Variants in PDK1 observed in about 807,000 individuals in gnomAD.
The protein encoded by PDK1 is [Pyruvate dehydrogenase (acetyl-transferring)] kinase isozyme 1, mitochondrial.
PDK1 carries 39 observed loss-of-function variants against 54.2 expected under a neutral mutation model. The ratio of observed to expected loss-of-function variants is 0.72; its 90% CI spans 0.56 to 0.94. The LOEUF (loss-of-function observed/expected upper bound fraction) is 0.94. PDK1 is among the 40% of genes least tolerant of loss of function. The pLI is 0.00. For synonymous variants in PDK1, 221 were observed against 207.1 expected (o/e 1.07, Z -0.58); for missense variants, 552 against 566.0 (o/e 0.98, Z 0.25).
intron 8 of PDK1, among the ~76,000 whole-genome samples, chr2:172,575,638 A>G (rs987402877): frequency 2.6e-5 from 4 of 151,918 alleles, no homozygotes; most frequent in East Asian, 1.9e-4. Context: ...CCTGGCCAAC[A>G]TGGCAAAACT....
the PDK1 span, among the ~76,000 whole-genome samples, chr2:172,628,226 G>A: frequency 6.6e-6 from 1 of 152,184 alleles, no homozygotes; most frequent in Non-Finnish European, 1.5e-5. Context: ...GCTAGTCATA[G>A]GGAAGGTCAA....
At chr2:172,611,480 G>A (rs1290438338), downstream of PDK1, among the ~76,000 whole-genome samples, 2 of 152,014 alleles carry the variant, frequency 1.3e-5, no homozygotes, top group East Asian at 1.9e-4. Context: ...CATACATTAA[G>A]TATGTAAAAA....
chr2:172,583,325 C>T (rs1390374827), intron 8 of PDK1, among the ~76,000 whole-genome samples: 4 of 105,128 alleles, frequency 3.8e-5, no homozygotes, highest in African/African-American at 1.7e-4. Context: ...TGAGCAGAGT[C>T]TCGCTCTGTC....
the PDK1 span, among the ~76,000 whole-genome samples, chr2:172,682,124 G>A: frequency 6.6e-6 from 1 of 152,216 alleles, no homozygotes; most frequent in Admixed American, 6.5e-5. Context: ...TTGAGCAAAG[G>A]CTTGAAAGTG....
At chr2:172,566,602 A>T (rs1403498920) in intron 5 of PDK1, among the ~76,000 whole-genome samples, 1 of 151,188 alleles carries the variant, frequency 6.6e-6, no homozygotes, top group Non-Finnish European at 1.5e-5. Flanking sequence ...GCAGTGGTTC[A>T]TGCCTGTAAT....
chr2:172,685,795 A>T, the PDK1 span, among the ~76,000 whole-genome samples: 1 of 152,102 alleles, frequency 6.6e-6, no homozygotes, highest in Admixed American at 6.6e-5. Flanking sequence ...TACCTCCAAA[A>T]TTCCATACCA....
chr2:172,660,923 T>G, the PDK1 span, among the ~76,000 whole-genome samples: 7 of 152,124 alleles, frequency 4.6e-5, no homozygotes, highest in Non-Finnish European at 1.0e-4. Flanking sequence ...AGGACAAGAA[T>G]AAATATTCTT....
At chr2:172,584,106 G>T (rs997542537) in intron 8 of PDK1, among the ~76,000 whole-genome samples, 2 of 152,116 alleles carry the variant, frequency 1.3e-5, no homozygotes, top group African/African-American at 2.4e-5. Context: ...CATGCCTTAC[G>T]AACATATCAG....
At chr2:172,672,319 T>TA in the PDK1 span, among the ~76,000 whole-genome samples, 2 of 152,252 alleles carry the variant, frequency 1.3e-5, no homozygotes, top group Non-Finnish European at 2.9e-5. Flanking sequence ...ATTGTATTTT[T>TA]ATCCATGAAT....
At chr2:172,668,281 T>TA in the PDK1 span, among the ~76,000 whole-genome samples, 1 of 99,584 alleles carries the variant, frequency 1.0e-5, no homozygotes, top group African/African-American at 3.6e-5. Context: ...TTTCTTTATT[T>TA]TTTTTTTTTT....
rs1262699106 is a variant in PDK1 at position 172,558,936 on chromosome 2, G to A, written c.338+87G>A. On this transcript the variant is annotated intron_variant, in intron 2 of 10. Transcript: ENST00000282077. ...CAAATGCTTTTTTTTACTCTTTGGT[G>A]GAATCTTTTTTGTTTTGTTTTGTTT... 3.0e-6 allele frequency: 4 copies of A among 1,317,474 alleles called. No individual in the cohort carries two copies. The African/African-American group carries it at 6.0e-5, about 20-fold the overall frequency. The allele number at this position is 1,317,474 out of a possible 1,614,324, so 81.6% of individuals were successfully genotyped here. A position where few individuals can be genotyped will look rare whatever the true frequency, so the allele number is the denominator to read the frequency against.
At chr2:172,622,800 A>T in the PDK1 span, among the ~76,000 whole-genome samples, 2 of 142,024 alleles carry the variant, frequency 1.4e-5, no homozygotes, top group African/African-American at 2.8e-5. Context: ...AGATATGTTT[A>T]TATATTATGT....
At chr2:172,623,868 A>G in the PDK1 span, among the ~76,000 whole-genome samples, 2 of 152,248 alleles carry the variant, frequency 1.3e-5, no homozygotes, top group African/African-American at 4.8e-5. Context: ...GGCACTCCTA[A>G]CTTAAAATTC....
intron 8 of PDK1, among the ~76,000 whole-genome samples, chr2:172,575,330 A>G (rs1374406827): frequency 1.3e-5 from 2 of 152,168 alleles, no homozygotes; most frequent in Non-Finnish European, 2.9e-5. Flanking sequence ...CACTGGCCTT[A>G]TAGAATGAGT....
chr2:172,644,207 A>T, the PDK1 span, among the ~76,000 whole-genome samples: 2 of 152,254 alleles, frequency 1.3e-5, no homozygotes, highest in South Asian at 4.1e-4. Flanking sequence ...GAGAGACTTT[A>T]AAAATGTACC....
At chr2:172,705,077 G>A in the PDK1 span, among the ~76,000 whole-genome samples, 1 of 152,186 alleles carries the variant, frequency 6.6e-6, no homozygotes, top group East Asian at 1.9e-4. Flanking sequence ...TAGGCAGTGA[G>A]GAAACTGACC....
intron 10 of PDK1, among the ~76,000 whole-genome samples, chr2:172,594,471 A>T (rs1690783543): frequency 6.6e-6 from 1 of 152,196 alleles, no homozygotes; most frequent in East Asian, 1.9e-4. Flanking sequence ...CTTAAAAAAG[A>T]TTGCACAAAA....
At chr2:172,710,847 G>A in the PDK1 span, among the ~76,000 whole-genome samples, 2 of 152,212 alleles carry the variant, frequency 1.3e-5, no homozygotes, top group Non-Finnish European at 2.9e-5. Context: ...CTAATTCTCA[G>A]TCGAGTGAGT....
the PDK1 span, among the ~76,000 whole-genome samples, chr2:172,627,133 T>TGATG: frequency 1.3e-5 from 2 of 152,232 alleles, no homozygotes; most frequent in South Asian, 2.1e-4. Context: ...GAGGATTGAA[T>TGATG]GATGCACACG....
Sources: gnomAD v4.1 joint callset for allele counts (sites outside exome capture counted in the v4.1 genomes callset) on GRCh38, gnomAD v4.1.1 for gene constraint, MANE v1.5 for transcripts, NCBI Gene and HGNC (gene_info 2026-07-23, HGNC 2026-07-21) for gene names.